STXBP5L: variants seen among roughly 807,000 people sequenced by gnomAD.
The protein encoded by STXBP5L is syntaxin binding protein 5L.
In STXBP5L, 65 loss-of-function variants were observed where a neutral mutation model predicts 144.5. The ratio of observed to expected loss-of-function variants is 0.45; its 90% CI spans 0.37 to 0.55. The LOEUF (loss-of-function observed/expected upper bound fraction) is 0.55, where lower values mean the gene tolerates loss of function less well. Ranked by LOEUF, STXBP5L falls within the 20% of genes least tolerant of loss-of-function variation. The probability of loss-of-function intolerance (pLI) is 0.00; values close to 1 mark genes in which losing one functional copy is unlikely to be tolerated. For synonymous variants in STXBP5L, 505 were observed against 469.6 expected (o/e 1.08, Z -0.97); for missense variants, 1,298 against 1,405.5 (o/e 0.92, Z 1.22).
At chr3:121,328,002 A>G (rs181652908) in intron 20 of STXBP5L, among the ~76,000 whole-genome samples, 1 of 152,344 alleles carries the variant, frequency 6.6e-6, no homozygotes, top group African/African-American at 2.4e-5. Context: ...AATGTGACTT[A>G]AGGAGATTTT....
At chr3:121,125,851 G>T (rs147098742) in intron 7 of STXBP5L, among the ~76,000 whole-genome samples, 1 of 152,162 alleles carries the variant, frequency 6.6e-6, no homozygotes, top group Non-Finnish European at 1.5e-5. Flanking sequence ...GAAGAGAGGG[G>T]GTGTTAACCT....
At chr3:121,066,383 C>A (rs2041546264) in intron 5 of STXBP5L, among the ~76,000 whole-genome samples, 1 of 138,080 alleles carries the variant, frequency 7.2e-6, no homozygotes, top group Admixed American at 7.4e-5. Flanking sequence ...TATATATACG[C>A]TTATAGGAAA....
intron 5 of STXBP5L, among the ~76,000 whole-genome samples, chr3:121,102,861 A>G (rs767101618): frequency 5.3e-5 from 8 of 152,130 alleles, no homozygotes; most frequent in Non-Finnish European, 1.0e-4. Flanking sequence ...ACAAGCAAGA[A>G]ACACATAACC....
rs2047355305 is a variant in STXBP5L at position 121,421,653 on chromosome 3, A to G, written c.*2556A>G. The G allele has an allele frequency of 6.6e-6, 1 of 152,238 alleles. No homozygotes were observed. The highest frequency in any genetic ancestry group is 2.4e-5 in the African/African-American group (1 of 41,476). The allele number at this position is 152,238 out of a possible 1,614,324, so 9.4% of individuals were successfully genotyped here. ...AAATTACATGTGTGGTTCATATGCA[A>G]TAAGATACAATTTTGAAGAAAGCTT... On this transcript the variant is annotated 3_prime_UTR_variant, in exon 27 of 27. Transcript: ENST00000471454.
In STXBP5L at chr3:121,246,804, C is replaced by T. The variant is rs1043739288; in HGVS notation, c.1401-3919C>T. Among the ~76,000 whole-genome samples the T allele has an allele frequency of 7.2e-5, 11 of 152,166 alleles. No individual in the cohort carries two copies. In the South Asian group the frequency reaches 8.3e-4, roughly 11 times the overall value. On this transcript the variant is annotated intron_variant, in intron 14 of 26. Transcript: ENST00000471454. ...AGAAATATTATCCTCAAAAACATTA[C>T]GCTAAGTGCATAATGCAGACACAAA...
intron 10 of STXBP5L, among the ~76,000 whole-genome samples, chr3:121,213,711 G>C (rs2048668994): frequency 6.6e-6 from 1 of 152,174 alleles, no homozygotes; most frequent in Admixed American, 6.6e-5. Context: ...TTGGTATCAG[G>C]ATGACCCTGG....
chr3:120,953,454 G>C (rs1028243173), intron 2 of STXBP5L, among the ~76,000 whole-genome samples: 1 of 149,258 alleles, frequency 6.7e-6, no homozygotes, highest in African/African-American at 2.5e-5. Context: ...TTAGCCTCCT[G>C]AGTAGCTGGG....
chr3:120,969,188 T>C (rs1012608914), intron 3 of STXBP5L, among the ~76,000 whole-genome samples: 1 of 152,020 alleles, frequency 6.6e-6, no homozygotes, highest in Admixed American at 6.6e-5. Flanking sequence ...TTTTACCACA[T>C]CCATGCCAAC....
chr3:121,179,358 A>G (rs942793346), intron 9 of STXBP5L, among the ~76,000 whole-genome samples: 5 of 152,136 alleles, frequency 3.3e-5, no homozygotes, highest in Non-Finnish European at 7.4e-5. Flanking sequence ...AAATCAAAAT[A>G]GGCAAAAATA....
chr3:120,998,537 A>G (rs929299349), intron 3 of STXBP5L, among the ~76,000 whole-genome samples: 3 of 151,914 alleles, frequency 2.0e-5, no homozygotes, highest in Non-Finnish European at 2.9e-5. Flanking sequence ...CCCCTAGCTG[A>G]CCATTCCCCA....
chr3:121,094,734 A>T (rs903149959), intron 5 of STXBP5L, among the ~76,000 whole-genome samples: 1 of 152,172 alleles, frequency 6.6e-6, no homozygotes, highest in Non-Finnish European at 1.5e-5. Flanking sequence ...CCAATTTGCC[A>T]GTCTGTGTCT....
At chr3:121,194,648 A>G (rs189254512) in intron 9 of STXBP5L, among the ~76,000 whole-genome samples, 2 of 152,262 alleles carry the variant, frequency 1.3e-5, no homozygotes, top group East Asian at 1.9e-4. Context: ...AATTGATACT[A>G]ATTCTTCCTC....
intron 9 of STXBP5L, among the ~76,000 whole-genome samples, chr3:121,161,171 G>A (rs904823895): frequency 3.3e-5 from 5 of 150,346 alleles, no homozygotes; most frequent in Non-Finnish European, 1.5e-5. Context: ...TTTTCTTGTA[G>A]GCCTAGTGGA....
At chr3:120,955,748 C>T (rs900843852) in intron 3 of STXBP5L, among the ~76,000 whole-genome samples, 1 of 151,922 alleles carries the variant, frequency 6.6e-6, no homozygotes, top group Non-Finnish European at 1.5e-5. Flanking sequence ...ACATTTCTAT[C>T]ACCACAAGGA....
chr3:121,149,778 G>C (rs978709842), intron 7 of STXBP5L, among the ~76,000 whole-genome samples: 1 of 151,918 alleles, frequency 6.6e-6, no homozygotes, highest in Non-Finnish European at 1.5e-5. Context: ...CTTCCTAAAA[G>C]ATATAAACAT....
chr3:121,172,202 C>T (rs540289072), intron 9 of STXBP5L, among the ~76,000 whole-genome samples: 1 of 152,262 alleles, frequency 6.6e-6, no homozygotes, highest in Admixed American at 6.5e-5. Context: ...GGATTAAAGA[C>T]TTAAATGTAA....
chr3:120,943,039 T>C (rs1300259104), intron 2 of STXBP5L, among the ~76,000 whole-genome samples: 1 of 151,732 alleles, frequency 6.6e-6, no homozygotes, highest in Non-Finnish European at 1.5e-5. Context: ...CAACTTCTTG[T>C]TGAAATCTAA....
chr3:121,084,707 C>T (rs1309320363), intron 5 of STXBP5L, among the ~76,000 whole-genome samples: 1 of 152,006 alleles, frequency 6.6e-6, no homozygotes, highest in Non-Finnish European at 1.5e-5. Context: ...ATTTACATTC[C>T]TTTGGATATA....
At chr3:121,125,195 G>T (rs531458120) in intron 7 of STXBP5L, among the ~76,000 whole-genome samples, 5 of 152,078 alleles carry the variant, frequency 3.3e-5, no homozygotes, top group African/African-American at 1.2e-4. Context: ...ATGGTTGGGC[G>T]CAGTGGCTCA....
Sources: gnomAD v4.1 joint callset for allele counts (sites outside exome capture counted in the v4.1 genomes callset) on GRCh38, gnomAD v4.1.1 for gene constraint, MANE v1.5 for transcripts, NCBI Gene and HGNC (gene_info 2026-07-23, HGNC 2026-07-21) for gene names.